FHAD1: variants seen among roughly 807,000 people sequenced by gnomAD.
The protein encoded by FHAD1 is forkhead-associated domain-containing protein 1.
A neutral mutation model predicts 191.3 loss-of-function variants in FHAD1; 146 were observed. The ratio of observed to expected loss-of-function variants is 0.76; its 90% CI spans 0.67 to 0.88. The LOEUF (loss-of-function observed/expected upper bound fraction) is 0.88, where lower values mean the gene tolerates loss of function less well. Ranked by LOEUF, FHAD1 falls within the 40% of genes least tolerant of loss-of-function variation. The pLI is 0.00. For missense variants in FHAD1, 1,635 were observed against 1,785.8 expected (o/e 0.92, Z 1.52); for synonymous variants, 616 against 672.3 (o/e 0.92, Z 1.29).
Position 15,388,033 on chromosome 1 carries a change from C to A in FHAD1, c.4189-18C>A. On this transcript the variant is annotated intron_variant, in intron 31 of 33. Coordinates refer to ENST00000688493, the MANE Select transcript of FHAD1 (RefSeq NM_001391957.1). ...CTAAGGTTAGCACTCTCTTGCTAAC[C>A]TGATACTTTTCACTCAGGAAAGTGT... 1 of 1,281,476 alleles carries A rather than the reference C, an allele frequency of 7.8e-7. No individual in the cohort carries two copies. The highest frequency in any genetic ancestry group is 1.0e-6 in the Non-Finnish European group (1 of 981,296). 79.4% of individuals were successfully genotyped at this position (1,281,476 alleles called of 1,614,324 possible). A position where few individuals can be genotyped will look rare whatever the true frequency, so the allele number is the denominator to read the frequency against.
chr1:15,316,511 G>C lies in FHAD1; in HGVS notation c.1260+44G>C. 6.6e-7 allele frequency: 1 copy of C among 1,513,096 alleles called. No homozygotes were observed. The highest frequency in any genetic ancestry group is 9.0e-7 in the Non-Finnish European group (1 of 1,113,138). 93.7% of individuals were successfully genotyped at this position (1,513,096 alleles called of 1,614,324 possible). ...TTTGTAGGTACCACCAGAAAAAACA[G>C]AGTTTGACCTTGAGGTTCTTGGTGG... is the stretch of plus-strand genomic sequence containing the variant. On this transcript the variant is annotated intron_variant, in intron 9 of 33. Transcript: ENST00000688493. The surrounding 1 kb of genome is among the most constrained non-coding windows in gnomAD (Gnocchi z 4.3).
intron 2 of FHAD1, 43 bp from the exon 3 acceptor site, chr1:15,272,279 AT>A: frequency 6.6e-7 from 1 of 1,522,282 alleles, no homozygotes; most frequent in South Asian, 1.2e-5. Context: ...GGGCCGTGTC[AT>A]TTTTGTTTTC....
At chr1:15,384,831 T>C (rs1349182154) in intron 31 of FHAD1, among the ~76,000 whole-genome samples, 3 of 152,142 alleles carry the variant, frequency 2.0e-5, no homozygotes, top group African/African-American at 7.2e-5. Flanking sequence ...CGGCCCACCC[T>C]CACCTCACAT....
intron 15 of FHAD1, among the ~76,000 whole-genome samples, chr1:15,340,059 C>T (rs1685906543): frequency 6.6e-6 from 1 of 152,140 alleles, no homozygotes; most frequent in African/African-American, 2.4e-5. Context: ...CTCCTGACCT[C>T]AAGTGATCCA....
At chr1:15,388,279 C>CCCCCCCCCCCCTCCCCA in intron 32 of FHAD1, 148 bp downstream of exon 32, 1 of 355,020 alleles carries the variant, frequency 2.8e-6, no homozygotes, top group Non-Finnish European at 5.2e-6. Flanking sequence ...CTCTGCCCCT[C>CCCCCCCCCCCCTCCCCA]GTCCCTCCCT....
intron 2 of FHAD1, among the ~76,000 whole-genome samples, chr1:15,271,138 CGGAAAAAAAA>C (rs1655744526): frequency 1.5e-5 from 1 of 67,574 alleles, no homozygotes; most frequent in East Asian, 1.4e-3. Context: ...GACTCCATCT[CGGAAAAAAAA>C]AAAAAAAAAA....
At chr1:15,360,814 C>T (rs1694546188) in intron 22 of FHAD1, 111 bp downstream of exon 22, 2 of 851,292 alleles carry the variant, frequency 2.3e-6, no homozygotes, top group African/African-American at 1.7e-5. Context: ...CATTCGAAAG[C>T]TCATTCATTC....
At chr1:15,388,487 A>G (rs572293978) in intron 32 of FHAD1, 2 of 829,886 alleles carry the variant, frequency 2.4e-6, no homozygotes, top group African/African-American at 1.9e-5. Context: ...CTAGGCCACT[A>G]AGTAACTTGG....
intron 5 of FHAD1, among the ~76,000 whole-genome samples, chr1:15,297,808 T>C (rs1429141716): frequency 1.3e-5 from 2 of 151,870 alleles, no homozygotes; most frequent in African/African-American, 2.4e-5. Flanking sequence ...TTTTTGCTTG[T>C]TTGTTATTTT....
intron 3 of FHAD1, among the ~76,000 whole-genome samples, chr1:15,288,084 G>A (rs532458836): frequency 6.6e-6 from 1 of 152,300 alleles, no homozygotes; most frequent in South Asian, 2.1e-4. Context: ...GAAAGAGAGA[G>A]AGAGAGAAGA....
chr1:15,301,191 T>C lies in FHAD1; in HGVS notation c.679-14T>C, dbSNP rs1222341846. On this transcript the variant is annotated splice_polypyrimidine_tract_variant and intron_variant, in intron 5 of 33. Coordinates refer to ENST00000688493, the MANE Select transcript of FHAD1 (RefSeq NM_001391957.1). ...GCCCACACCTAGTAAGCCTCCCATC[T>C]GATCTCTACCCAGGATGAAATAATT... The C allele has an allele frequency of 1.6e-5, 25 of 1,550,664 alleles. No homozygotes were observed. The highest frequency in any genetic ancestry group is 1.7e-4 in the Middle Eastern group (1 of 6,010).
At chr1:15,315,697 A>G (rs887015439) in intron 8 of FHAD1, among the ~76,000 whole-genome samples, 2 of 152,072 alleles carry the variant, frequency 1.3e-5, no homozygotes, top group Non-Finnish European at 2.9e-5. Context: ...CGTGTTAGCC[A>G]GGGTGGTCTC....
chr1:15,329,474 G>A lies in FHAD1; in HGVS notation c.1839G>A (p.Leu613=), dbSNP rs1451318544. Residue 613 remains leucine (L), a synonymous_variant, in exon 14 of 34, where the codon CTG becomes CTA. Coordinates refer to ENST00000688493, the MANE Select transcript of FHAD1 (RefSeq NM_001391957.1). This position sits in a 1 kb window ranked among gnomAD's most constrained non-coding sequence, Gnocchi z 5.0. ...TGCTGGACGTCCTGAGGCACGCGCT[G>A]TCCTGGCTGGAGGAGGTGGAGCAGC... is the stretch of plus-strand genomic sequence containing the variant. ...KVVLDVLRHA[L]SWLEEVEQLL... The A allele has an allele frequency of 3.2e-6, 5 of 1,551,262 alleles. No homozygotes were observed. The highest frequency in any genetic ancestry group is 1.7e-4 in the Middle Eastern group (1 of 5,990).
intron 19 of FHAD1, among the ~76,000 whole-genome samples, chr1:15,349,635 C>T (rs1249997804): frequency 1.3e-5 from 2 of 152,196 alleles, no homozygotes; most frequent in Non-Finnish European, 2.9e-5. Context: ...AGCAGGCCCT[C>T]CCTTGACTGG....
intron 22 of FHAD1, among the ~76,000 whole-genome samples, chr1:15,361,182 G>A (rs1227691764): frequency 6.6e-6 from 1 of 152,210 alleles, no homozygotes; most frequent in Non-Finnish European, 1.5e-5. Context: ...AAATGGCCAA[G>A]GTAAGCTGTA....
In FHAD1 at chr1:15,345,503, C is replaced by G. The variant is rs764165573; in HGVS notation, c.2326C>G (p.Arg776Gly). ...GACAAGAGTCCAAGAGCTGGAGGAACGCTTGGCCCGCCAGAAGGAGGTACG... is the reference window on the plus strand; with the variant it reads ...GACAAGAGTCCAAGAGCTGGAGGAAGGCTTGGCCCGCCAGAAGGAGGTACG... Reference protein sequence around the residue: ...EQTRVQELEERLARQKEVLES... With the variant: ...EQTRVQELEEGLARQKEVLES... The change falls in exon 18 of 34, where the codon CGC becomes GGC. Residue 776 changes from arginine (R) to glycine (G), a missense_variant. Arg to Gly is a moderately radical substitution (Grantham distance 125). Transcript: ENST00000688493. The G allele has an allele frequency of 5.2e-6, 8 of 1,551,820 alleles. No homozygotes were observed. The highest frequency in any genetic ancestry group is 7.0e-6 in the Non-Finnish European group (8 of 1,147,028).
At chr1:15,334,345 G>A (rs1398407510) in intron 14 of FHAD1, 4 of 149,884 alleles carry the variant, frequency 2.7e-5, no homozygotes, top group Non-Finnish European at 5.9e-5. Flanking sequence ...AGTCCCTAGA[G>A]AATGGGTGCT....
intron 31 of FHAD1, chr1:15,383,794 C>A (rs1430501659): frequency 2.6e-6 from 1 of 385,722 alleles, no homozygotes; most frequent in Non-Finnish European, 5.3e-6. Flanking sequence ...GTACGATGAT[C>A]CCTATTTTAC....
At chr1:15,290,144 G>A (rs971548423) in intron 4 of FHAD1, among the ~76,000 whole-genome samples, 11 of 152,154 alleles carry the variant, frequency 7.2e-5, no homozygotes, top group South Asian at 2.1e-4. Context: ...ATTCAGTCCC[G>A]TCTAATCTAA....
Sources: gnomAD v4.1 joint callset for allele counts (sites outside exome capture counted in the v4.1 genomes callset) on GRCh38, gnomAD v4.1.1 for gene constraint, Gnocchi (gnomAD v3.1) non-coding constraint, MANE v1.5 for transcripts, NCBI Gene and HGNC (gene_info 2026-07-23, HGNC 2026-07-21) for gene names.